Variants in MCHR2 observed in about 807,000 individuals in gnomAD.
MCHR2 encodes melanin concentrating hormone receptor 2.
A neutral mutation model predicts 24.8 loss-of-function variants in MCHR2; 15 were observed. The ratio of observed to expected loss-of-function variants is 0.60; its 90% CI spans 0.40 to 0.93. The LOEUF is 0.93. MCHR2 is among the 40% of genes least tolerant of loss of function. The pLI is 0.00. For synonymous variants in MCHR2, 151 were observed against 147.6 expected (o/e 1.02, Z -0.17); for missense variants, 386 against 408.7 (o/e 0.94, Z 0.48).
chr6:99,965,989 A>G (rs1775290488), intron 1 of MCHR2, among the ~76,000 whole-genome samples: 1 of 152,180 alleles, frequency 6.6e-6, no homozygotes, highest in African/African-American at 2.4e-5. Context: ...TTAATCAAAA[A>G]GAATTGCAGT....
intron 2 of MCHR2, among the ~76,000 whole-genome samples, chr6:99,950,054 G>A (rs1774938911): frequency 6.6e-6 from 1 of 152,010 alleles, no homozygotes; most frequent in South Asian, 2.1e-4. Flanking sequence ...TCTCTAGAGG[G>A]GTACCCATCA....
At chr6:99,966,295 C>G (rs538572145) in intron 1 of MCHR2, among the ~76,000 whole-genome samples, 5 of 152,182 alleles carry the variant, frequency 3.3e-5, no homozygotes, top group African/African-American at 1.2e-4. Context: ...ATTAAAACTT[C>G]ATGTTTACTA....
In MCHR2 at chr6:99,920,834, A is replaced by G; in HGVS notation, c.*106T>C. The G allele has an allele frequency of 9.0e-7, 1 of 1,105,240 alleles. No homozygotes were observed. The highest frequency in any genetic ancestry group is 2.4e-5 in the East Asian group (1 of 42,182). 68.5% of individuals were successfully genotyped at this position (1,105,240 alleles called of 1,614,324 possible). A position where few individuals can be genotyped will look rare whatever the true frequency, so the allele number is the denominator to read the frequency against. ...CTCTTCCATGCTGCTAAGAGTCACAAGTACACAAGAAGAATGGGCATAAAC... is the reference window on the plus strand; with the variant it reads ...CTCTTCCATGCTGCTAAGAGTCACAGGTACACAAGAAGAATGGGCATAAAC... On this transcript the variant is annotated 3_prime_UTR_variant, in exon 6 of 6. Transcript: ENST00000281806.
At chr6:99,940,277 T>G (rs1774746584) in intron 4 of MCHR2, among the ~76,000 whole-genome samples, 1 of 152,096 alleles carries the variant, frequency 6.6e-6, no homozygotes, top group Admixed American at 6.6e-5. Flanking sequence ...TCTTCATTTC[T>G]TTTCATTCCT....
At position 99,943,128 on chromosome 6, in the gene MCHR2, G is replaced by C; in HGVS notation, c.408C>G (p.Val136=). The C allele has an allele frequency of 6.2e-7, 1 of 1,609,438 alleles. No homozygotes were observed. Among genetic ancestry groups the C allele is most frequent in the Non-Finnish European group, 8.5e-7 (1 of 1,177,198 alleles). ...TCCAACGTGTCAGTCGAAATGGTTG[G>C]ACGAGGGCAAAGTACCTGCAAAGGC... ...VMSVDRYFAL[V]QPFRLTRWRT... is the part of the protein sequence containing the mutation. The change falls in exon 4 of 6, where the codon GTC becomes GTG. Residue 136 remains valine (V), a synonymous_variant. Coordinates refer to ENST00000281806, the MANE Select transcript of MCHR2 (RefSeq NM_001040179.2).
chr6:99,935,571 A>G (rs1302517724), intron 4 of MCHR2, among the ~76,000 whole-genome samples: 3 of 151,962 alleles, frequency 2.0e-5, no homozygotes, highest in African/African-American at 7.2e-5. Flanking sequence ...ATGATATTCT[A>G]TTGTGTGTAT....
At chr6:99,925,945 T>C (rs1333390801) in intron 5 of MCHR2, among the ~76,000 whole-genome samples, 1 of 151,976 alleles carries the variant, frequency 6.6e-6, no homozygotes, top group Admixed American at 6.6e-5. Flanking sequence ...TAACTCGTCA[T>C]TTAGCATTAG....
At chr6:99,966,667 A>G (rs1775300829) in intron 1 of MCHR2, among the ~76,000 whole-genome samples, 1 of 152,206 alleles carries the variant, frequency 6.6e-6, no homozygotes. Flanking sequence ...AGTTAAATAT[A>G]CAGAAACAAA....
rs559116362 is a variant in MCHR2, at chr6:99,951,872, A to G, written c.183-3901T>C. ...CTCGTAACCTCTGTTTCACGAATTC[A>G]TGACTTAGTGTGAATTAGTTGACCT... On this transcript the variant is annotated intron_variant, in intron 2 of 5. Coordinates refer to ENST00000281806, the MANE Select transcript of MCHR2 (RefSeq NM_001040179.2). 1.3e-3 allele frequency among the ~76,000 whole-genome samples: 200 copies of G among 152,222 alleles called. 1 individual carries two copies. Among genetic ancestry groups the G allele is most frequent in the African/African-American group, 4.7e-3 (196 of 41,554 alleles).
At chr6:99,937,486 C>T (rs1774685804) in intron 4 of MCHR2, among the ~76,000 whole-genome samples, 1 of 151,864 alleles carries the variant, frequency 6.6e-6, no homozygotes, top group African/African-American at 2.4e-5. Flanking sequence ...GTTCTTGGTG[C>T]TGTTAATGTG....
At chr6:99,959,895 G>A (rs576725774) in intron 1 of MCHR2, among the ~76,000 whole-genome samples, 6 of 151,308 alleles carry the variant, frequency 4.0e-5, no homozygotes, top group Admixed American at 1.3e-4. Context: ...ACCACTGAAA[G>A]GATCCATATA....
chr6:99,988,600 G>C (rs1231251281), intron 1 of MCHR2, among the ~76,000 whole-genome samples: 1 of 152,134 alleles, frequency 6.6e-6, no homozygotes, highest in Non-Finnish European at 1.5e-5. Flanking sequence ...CACAGGGCTA[G>C]AAATGGACAC....
chr6:99,974,034 T>C (rs564094312), intron 1 of MCHR2, among the ~76,000 whole-genome samples: 9 of 152,300 alleles, frequency 5.9e-5, no homozygotes, highest in South Asian at 4.1e-4. Flanking sequence ...GACAATTATG[T>C]GTCTTGGAGT....
At chr6:99,978,737 A>G (rs1320185229) in intron 1 of MCHR2, among the ~76,000 whole-genome samples, 3 of 152,074 alleles carry the variant, frequency 2.0e-5, no homozygotes, top group African/African-American at 7.2e-5. Flanking sequence ...TCTTTAGAAG[A>G]AAAGCTCATC....
chr6:99,931,650 G>C (rs1774544016), intron 5 of MCHR2, among the ~76,000 whole-genome samples: 1 of 152,136 alleles, frequency 6.6e-6, no homozygotes, highest in African/African-American at 2.4e-5. Context: ...CCATGTGCAG[G>C]ATATAATCTC....
At chr6:99,965,546 A>C (rs980227637) in intron 1 of MCHR2, among the ~76,000 whole-genome samples, 24 of 152,274 alleles carry the variant, frequency 1.6e-4, no homozygotes, top group African/African-American at 5.8e-4. Flanking sequence ...AATTTATTTT[A>C]ATTTTCATTT....
chr6:99,977,674 T>C (rs1775579081), intron 1 of MCHR2, among the ~76,000 whole-genome samples: 1 of 152,176 alleles, frequency 6.6e-6, no homozygotes, highest in East Asian at 1.9e-4. Flanking sequence ...CTAGAGGTCC[T>C]GTGGGTCCTG....
intron 4 of MCHR2, among the ~76,000 whole-genome samples, chr6:99,942,634 T>C (rs1740717163): frequency 6.6e-6 from 1 of 152,168 alleles, no homozygotes; most frequent in Admixed American, 6.5e-5. Context: ...TCTGAGTGAC[T>C]CTGGAAATTC....
At chr6:99,984,311 C>T (rs9385967) in intron 1 of MCHR2, among the ~76,000 whole-genome samples, 31,992 of 150,538 alleles carry the variant, frequency 0.21, 3,730 homozygotes, top group South Asian at 0.42. Flanking sequence ...GCACAATGTG[C>T]AGGTTAGTTA....
Sources: gnomAD v4.1 joint callset for allele counts (sites outside exome capture counted in the v4.1 genomes callset) on GRCh38, gnomAD v4.1.1 for gene constraint, MANE v1.5 for transcripts, NCBI Gene and HGNC (gene_info 2026-07-23, HGNC 2026-07-21) for gene names.